Variants in TUSC3 observed in about 807,000 individuals in gnomAD.
TUSC3 encodes tumor suppressor candidate 3, also known as dolichyl-diphosphooligosaccharide--protein glycosyltransferase subunit TUSC3.
TUSC3 carries 45 observed loss-of-function variants against 44.8 expected under a neutral mutation model. The ratio of observed to expected loss-of-function variants is 1.00; its 90% CI spans 0.79 to 1.29. TUSC3 has a LOEUF of 1.29. TUSC3 is among the 50% of genes most tolerant of loss of function. The pLI is 0.00. For missense variants in TUSC3, 519 were observed against 437.9 expected, an observed-to-expected ratio of 1.19 and a Z score of -1.65; for synonymous variants, 212 against 152.9, an observed-to-expected ratio of 1.39 and a Z score of -2.85.
chr8:15,757,099 T>G (rs1318039738), intron 9 of TUSC3, among the ~76,000 whole-genome samples: 1 of 152,174 alleles, frequency 6.6e-6, no homozygotes, highest in Non-Finnish European at 1.5e-5. Context: ...ATTGTGCCAC[T>G]GCACTCCAGC....
chr8:15,732,147 C>T (rs1810749698), intron 7 of TUSC3, among the ~76,000 whole-genome samples: 1 of 151,984 alleles, frequency 6.6e-6, no homozygotes, highest in Non-Finnish European at 1.5e-5. Context: ...CTTTGGTGGC[C>T]ACAGATAATA....
chr8:15,424,490 T>C (rs1799779898), intron 1 of TUSC3, among the ~76,000 whole-genome samples: 1 of 152,208 alleles, frequency 6.6e-6, no homozygotes, highest in African/African-American at 2.4e-5. Context: ...ATGTGGTTTC[T>C]GAGATTAACG....
At chr8:15,718,098 C>G (rs1810133808) in intron 6 of TUSC3, among the ~76,000 whole-genome samples, 1 of 152,024 alleles carries the variant, frequency 6.6e-6, no homozygotes, top group African/African-American at 2.4e-5. Flanking sequence ...TTTGAATTAC[C>G]TCTAAACAAT....
chr8:15,824,172 T>G, the TUSC3 span, among the ~76,000 whole-genome samples: 1 of 152,164 alleles, frequency 6.6e-6, no homozygotes, highest in Non-Finnish European at 1.5e-5. Flanking sequence ...CATTGTATCA[T>G]AGAACTAACT....
chr8:15,645,446 C>T (rs1385135445), intron 2 of TUSC3, among the ~76,000 whole-genome samples: 2 of 151,994 alleles, frequency 1.3e-5, no homozygotes, highest in African/African-American at 4.8e-5. Context: ...TACATTCATA[C>T]TTTGTCGAAC....
intron 10 of TUSC3, among the ~76,000 whole-genome samples, chr8:15,761,794 A>G (rs1305868687): frequency 1.3e-5 from 2 of 152,194 alleles, no homozygotes; most frequent in Non-Finnish European, 1.5e-5. Context: ...TTTTTAAAAA[A>G]GTATGATACG....
At chr8:15,440,547 A>T (rs749592625) in intron 1 of TUSC3, among the ~76,000 whole-genome samples, 3 of 152,228 alleles carry the variant, frequency 2.0e-5, no homozygotes, top group African/African-American at 7.2e-5. Context: ...AGGAGAATCA[A>T]ACAGACTAGT....
At chr8:15,431,930 T>G (rs546385384) in intron 1 of TUSC3, among the ~76,000 whole-genome samples, 1 of 151,878 alleles carries the variant, frequency 6.6e-6, no homozygotes, top group South Asian at 2.1e-4. Context: ...ATTATCACAT[T>G]TATTTATGTT....
chr8:15,624,419 T>C (rs1026748562), intron 2 of TUSC3, among the ~76,000 whole-genome samples: 2 of 152,230 alleles, frequency 1.3e-5, no homozygotes, highest in Non-Finnish European at 2.9e-5. Context: ...GCTGTATCAT[T>C]TCACATTCCA....
the TUSC3 span, among the ~76,000 whole-genome samples, chr8:15,785,824 A>G: frequency 6.6e-6 from 1 of 151,860 alleles, no homozygotes; most frequent in Non-Finnish European, 1.5e-5. Flanking sequence ...AAATGAAAAG[A>G]GCCAAATTCA....
chr8:15,492,648 C>T (rs1056806955), intron 2 of TUSC3, among the ~76,000 whole-genome samples: 7 of 151,854 alleles, frequency 4.6e-5, no homozygotes, highest in African/African-American at 9.7e-5. Context: ...TAAAATGTCA[C>T]GTAACAGGCT....
chr8:15,469,166 G>C (rs1585056370), intron 1 of TUSC3, among the ~76,000 whole-genome samples: 1 of 152,146 alleles, frequency 6.6e-6, no homozygotes, highest in Non-Finnish European at 1.5e-5. Context: ...TGATAAGCTG[G>C]ATTTCATTAA....
the TUSC3 span, among the ~76,000 whole-genome samples, chr8:15,838,612 G>A: frequency 2.4e-4 from 37 of 152,212 alleles, no homozygotes; most frequent in African/African-American, 8.4e-4. Context: ...ATTAAATAGG[G>A]AATCCTTTCC....
chr8:15,573,202 C>T (rs4454275), intron 1 of TUSC3, among the ~76,000 whole-genome samples: 4 of 74,204 alleles, frequency 5.4e-5, no homozygotes, highest in African/African-American at 2.1e-4. Context: ...CTCTCTCTCT[C>T]TATATATATA....
chr8:15,493,333 T>C (rs1335040051), intron 2 of TUSC3, among the ~76,000 whole-genome samples: 1 of 152,068 alleles, frequency 6.6e-6, no homozygotes, highest in Non-Finnish European at 1.5e-5. Context: ...CAATCATAGC[T>C]CACAGCAGGG....
intron 1 of TUSC3, 140 bp from the exon 2 acceptor site, chr8:15,622,940 C>G (rs1392345189): frequency 3.5e-6 from 3 of 867,944 alleles, no homozygotes; most frequent in Non-Finnish European, 5.2e-6. Flanking sequence ...TTTCTAGGAG[C>G]AGAAATATGG....
chr8:15,449,963 C>T (rs1413919537), intron 1 of TUSC3, among the ~76,000 whole-genome samples: 1 of 152,124 alleles, frequency 6.6e-6, no homozygotes, highest in Non-Finnish European at 1.5e-5. Flanking sequence ...GAGCGATAGG[C>T]TAGGCTATAC....
Position 15,495,662 on chromosome 8 carries a change from A to G in TUSC3, n.189+12179A>G, listed in dbSNP as rs538528341. 1.1e-4 allele frequency among the ~76,000 whole-genome samples: 16 copies of G among 152,214 alleles called. No homozygotes were observed. In the South Asian group the frequency reaches 1.4e-3, roughly 14 times the overall value. ...AGCTCCCTTTGGGGGGCAGTATGGG[A>G]GCCTCCACCAAGTATACCTGCCATG... On this transcript the variant is annotated intron_variant and non_coding_transcript_variant, in intron 2 of 5. Coordinates refer to the TUSC3 transcript ENST00000503191.
At chr8:15,548,748 A>G (rs574957092) in intron 1 of TUSC3, among the ~76,000 whole-genome samples, 55 of 151,934 alleles carry the variant, frequency 3.6e-4, no homozygotes, top group Non-Finnish European at 6.3e-4. Flanking sequence ...TTTGCCCATG[A>G]CTGTACAACT....
Sources: gnomAD v4.1 joint callset for allele counts (sites outside exome capture counted in the v4.1 genomes callset) on GRCh38, gnomAD v4.1.1 for gene constraint, MANE v1.5 for transcripts, NCBI Gene and HGNC (gene_info 2026-07-23, HGNC 2026-07-21) for gene names.